SEC14L1: variants seen among roughly 807,000 people sequenced by gnomAD.
SEC14L1 encodes SEC14-like protein 1.
SEC14L1 carries 48 observed loss-of-function variants against 85.3 expected under a neutral mutation model. The observed-to-expected ratio is 0.56, with a 90% CI of 0.45 to 0.72. The LOEUF (loss-of-function observed/expected upper bound fraction) is 0.72, where lower values mean the gene tolerates loss of function less well. Ranked by LOEUF, SEC14L1 falls within the 30% of genes least tolerant of loss-of-function variation. The pLI is 0.00. For synonymous variants in SEC14L1, 391 were observed against 355.5 expected, an observed-to-expected ratio of 1.10 and a Z score of -1.12; for missense variants, 682 against 921.4, an observed-to-expected ratio of 0.74 and a Z score of 3.36.
intron 3 of SEC14L1, among the ~76,000 whole-genome samples, chr17:77,100,325 C>T (rs1204794229): frequency 6.6e-6 from 1 of 152,000 alleles, no homozygotes; most frequent in African/African-American, 2.4e-5. Context: ...TGCCTACCGC[C>T]CTGCGCTGCA....
chr17:77,173,881 AT>A (rs1332149277), intron 3 of SEC14L1, among the ~76,000 whole-genome samples: 3 of 150,602 alleles, frequency 2.0e-5, no homozygotes, highest in East Asian at 3.9e-4. Context: ...CTTACTAGAG[AT>A]TTCTTGCACC....
At chr17:77,124,727 G>A (rs1344908456) in intron 3 of SEC14L1, among the ~76,000 whole-genome samples, 1 of 152,130 alleles carries the variant, frequency 6.6e-6, no homozygotes, top group Admixed American at 6.6e-5. Context: ...GGCCATTGGA[G>A]GCAGCTCAGG....
chr17:77,123,042 G>GT (rs943727242), intron 3 of SEC14L1, among the ~76,000 whole-genome samples: 1 of 150,736 alleles, frequency 6.6e-6, no homozygotes, highest in Non-Finnish European at 1.5e-5. Flanking sequence ...TTGTTGTTTT[G>GT]TTTTTTTGTT....
chr17:77,110,330 A>G (rs1972018400), intron 3 of SEC14L1, among the ~76,000 whole-genome samples: 1 of 152,218 alleles, frequency 6.6e-6, no homozygotes, highest in Non-Finnish European at 1.5e-5. Flanking sequence ...GCCTCCCTTT[A>G]GAGAGCCTGG....
intron 1 of SEC14L1, chr17:77,089,019 G>C (rs1211064397): frequency 5.5e-6 from 1 of 180,936 alleles, no homozygotes; most frequent in Non-Finnish European, 1.2e-5. Flanking sequence ...GGAATGAGGA[G>C]CTGTAGGGAG....
intron 3 of SEC14L1, among the ~76,000 whole-genome samples, chr17:77,100,435 T>C (rs2143312850): frequency 7.6e-6 from 1 of 131,670 alleles, no homozygotes; most frequent in African/African-American, 2.8e-5. Flanking sequence ...TCTCTTTTTT[T>C]TTTTTTTTTT....
intron 10 of SEC14L1, 84 bp from the exon 11 acceptor site, chr17:77,205,192 G>A: frequency 8.6e-7 from 1 of 1,161,852 alleles, no homozygotes; most frequent in South Asian, 1.3e-5. Context: ...GTAATACGCT[G>A]TTAGTGTCCC....
At chr17:77,167,378 A>G (rs1370269041) in intron 3 of SEC14L1, among the ~76,000 whole-genome samples, 1 of 151,534 alleles carries the variant, frequency 6.6e-6, no homozygotes, top group African/African-American at 2.4e-5. Context: ...CAAGTGATCC[A>G]CCCACCTTGG....
rs574920988 is a variant in SEC14L1, at chr17:77,156,574, T to TAA, written c.63+12930_63+12931dup. Among the ~76,000 whole-genome samples, 113 of 136,580 alleles carry TAA rather than the reference T, an allele frequency of 8.3e-4. 1 individual carries two copies. Among genetic ancestry groups the TAA allele is most frequent in the African/African-American group, 2.4e-3 (91 of 37,240 alleles). The allele number at this position is 136,580 out of a possible 152,430, so 89.6% of individuals were successfully genotyped here. A position where few individuals can be genotyped will look rare whatever the true frequency, so the allele number is the denominator to read the frequency against. ...TGGGCAGCAGAGCGAGACTCCGTCTTAAAAAAAAAAAAAAAAGATGTCTAT... is the reference window on the plus strand; with the variant it reads ...TGGGCAGCAGAGCGAGACTCCGTCTTAAAAAAAAAAAAAAAAAAGATGTCTAT... On this transcript the variant is annotated intron_variant, in intron 3 of 16. Transcript: ENST00000436233.
rs148667648 is a variant in SEC14L1, at chr17:77,173,287, C to T, written c.64-17516C>T. On this transcript the variant is annotated intron_variant, in intron 3 of 16. Transcript: ENST00000436233. ...CTTTTTACATTGTTCTGTCTCGCACCGAAGTCTTCCTGGGGGAGGGCCCTG... is the reference window on the plus strand; with the variant it reads ...CTTTTTACATTGTTCTGTCTCGCACTGAAGTCTTCCTGGGGGAGGGCCCTG... 3.4e-3 allele frequency among the ~76,000 whole-genome samples: 522 copies of T among 151,322 alleles called. 3 individuals carry two copies. Among genetic ancestry groups the T allele is most frequent in the South Asian group, 0.019 (91 of 4,796 alleles).
chr17:77,113,589 T>TA (rs1272116651), intron 3 of SEC14L1, among the ~76,000 whole-genome samples: 1 of 151,688 alleles, frequency 6.6e-6, no homozygotes, highest in East Asian at 1.9e-4. Context: ...ACTAAAAATA[T>TA]AAAAAAATTA....
At chr17:77,209,577 C>A in intron 14 of SEC14L1, 101 bp downstream of exon 14, 4 of 1,251,822 alleles carry the variant, frequency 3.2e-6, no homozygotes, top group South Asian at 1.5e-5. Flanking sequence ...ACAGTCCACT[C>A]GTTTTTCTGC....
Position 77,193,675 on chromosome 17 carries a change from T to A in SEC14L1, c.474+126T>A, listed in dbSNP as rs1598377161. On this transcript the variant is annotated intron_variant, in intron 6 of 16. Transcript: ENST00000436233. ...ATTTCTTGGGTGGAAGATGCTATGA[T>A]CCCTACCCCCTGCCTCATCTTTAGG... is the stretch of plus-strand genomic sequence containing the variant. The A allele has an allele frequency of 1.0e-5, 10 of 980,436 alleles. No individual in the cohort carries two copies. In the East Asian group the frequency reaches 2.2e-4, roughly 22 times the overall value. The allele number at this position is 980,436 out of a possible 1,614,324, so 60.7% of individuals were successfully genotyped here.
At chr17:77,189,509 A>G (rs1326020860) in intron 3 of SEC14L1, among the ~76,000 whole-genome samples, 1 of 152,116 alleles carries the variant, frequency 6.6e-6, no homozygotes, top group Non-Finnish European at 1.5e-5. Flanking sequence ...GGCTCACTGT[A>G]TTTATGTTGA....
intron 3 of SEC14L1, among the ~76,000 whole-genome samples, chr17:77,102,203 G>A (rs1003056026): frequency 5.3e-5 from 8 of 152,240 alleles, no homozygotes; most frequent in African/African-American, 9.6e-5. Context: ...CAAATCTCCC[G>A]CTTTGATACA....
At chr17:77,181,453 T>C (rs7218681) in intron 3 of SEC14L1, among the ~76,000 whole-genome samples, 150,778 of 152,374 alleles carry the variant, frequency 0.99, 74,621 homozygotes, top group East Asian at 1. Context: ...GCTCTTGTTG[T>C]GCAGGCTGGA....
At chr17:77,202,936 TA>T (rs11349959) in intron 9 of SEC14L1, among the ~76,000 whole-genome samples, 58,743 of 133,932 alleles carry the variant, frequency 0.44, 12,078 homozygotes, top group South Asian at 0.56. Context: ...AATAAAAAAA[TA>T]AAAAAAAAAA....
intron 13 of SEC14L1, among the ~76,000 whole-genome samples, chr17:77,207,491 G>A (rs1267914217): frequency 6.6e-6 from 1 of 150,514 alleles, no homozygotes; most frequent in Non-Finnish European, 1.5e-5. Flanking sequence ...TTGCTCTGTT[G>A]CACAGGCTGG....
intron 3 of SEC14L1, among the ~76,000 whole-genome samples, chr17:77,113,165 CA>C (rs1252948578): frequency 6.6e-6 from 1 of 150,654 alleles, no homozygotes; most frequent in Non-Finnish European, 1.5e-5. Flanking sequence ...TCTCGAAAAA[CA>C]AAAAAAAGAA....
Sources: allele counts gnomAD v4.1 joint callset (sites outside exome capture counted in the v4.1 genomes callset), GRCh38; gene constraint gnomAD v4.1.1; transcripts MANE v1.5; gene names NCBI Gene and HGNC (gene_info 2026-07-23, HGNC 2026-07-21).